Variants in OCIAD2 observed in about 807,000 individuals in gnomAD.
OCIAD2 encodes OCIA domain containing 2.
Under a neutral mutation model 22.9 loss-of-function variants are expected in OCIAD2, and 29 were observed. The ratio of observed to expected loss-of-function variants is 1.27; its 90% CI spans 0.94 to 1.73. The LOEUF (loss-of-function observed/expected upper bound fraction) is 1.73, where lower values mean the gene tolerates loss of function less well. Among genes scored for constraint, OCIAD2 ranks in the 40% most tolerant of loss-of-function variants. The pLI is 0.00. For missense variants in OCIAD2, 189 were observed against 180.3 expected, an observed-to-expected ratio of 1.05 and a Z score of -0.28; for synonymous variants, 67 against 60.2, an observed-to-expected ratio of 1.11 and a Z score of -0.52.
At chr4:48,896,215 G>A (rs1221445518) in intron 4 of OCIAD2, among the ~76,000 whole-genome samples, 1 of 152,118 alleles carries the variant, frequency 6.6e-6, no homozygotes, top group Non-Finnish European at 1.5e-5. Flanking sequence ...TCCTAGATAT[G>A]TGACATGTGG....
chr4:48,892,379 A>G (rs956419392), intron 6 of OCIAD2, among the ~76,000 whole-genome samples: 28 of 152,320 alleles, frequency 1.8e-4, no homozygotes, highest in African/African-American at 6.5e-4. Flanking sequence ...CCAAAGTCGT[A>G]CTGCCTATTT....
intron 4 of OCIAD2, among the ~76,000 whole-genome samples, chr4:48,895,102 T>C (rs1781273932): frequency 6.6e-6 from 1 of 152,164 alleles, no homozygotes; most frequent in South Asian, 2.1e-4. Flanking sequence ...TTAAGAAATA[T>C]GCATGGTTCT....
chr4:48,887,991 G>C (rs1444679238), intron 6 of OCIAD2, among the ~76,000 whole-genome samples: 1 of 152,094 alleles, frequency 6.6e-6, no homozygotes, highest in Admixed American at 6.6e-5. Context: ...TCTTCCATTT[G>C]TTTGTATCCT....
intron 6 of OCIAD2, among the ~76,000 whole-genome samples, 182 bp from the exon 7 acceptor site, chr4:48,885,747 A>G (rs551426519): frequency 6.6e-6 from 1 of 152,322 alleles, no homozygotes; most frequent in Admixed American, 6.5e-5. Context: ...AACCCTCTTG[A>G]GTAGCTGAGA....
rs932193381 is a variant in OCIAD2, at chr4:48,905,402, A to G, written c.-62-791T>C. 3.9e-5 allele frequency among the ~76,000 whole-genome samples: 6 copies of G among 151,986 alleles called. No individual in the cohort carries two copies. The East Asian group carries it at 5.8e-4, about 15-fold the overall frequency. ...AGAATATGAACACTGAGCCCAAGGG[A>G]ATATCGAAAAGAGAAGAAAGATTAA... is the stretch of plus-strand genomic sequence containing the variant. On this transcript the variant is annotated intron_variant, in intron 1 of 6. Transcript: ENST00000508632.
intron 6 of OCIAD2, among the ~76,000 whole-genome samples, chr4:48,891,036 G>A (rs538303380): frequency 1.3e-5 from 2 of 152,224 alleles, no homozygotes; most frequent in East Asian, 3.9e-4. Flanking sequence ...TTATGCTCCA[G>A]CCATAGGATG....
Position 48,904,541 on chromosome 4 carries a change from T to C in OCIAD2, c.9A>G (p.Ser3=), listed in dbSNP as rs1208837226. Residue 3 remains serine, a synonymous_variant, in exon 2 of 7, where the codon TCA becomes TCG. Coordinates refer to ENST00000508632, the MANE Select transcript of OCIAD2 (RefSeq NM_001014446.3). MA[S]ASARGNQDKD... is the part of the protein sequence containing the mutation. ...TATCTTGGTTTCCACGAGCAGACGCTGAAGCCATGATGACTTTGTGCTTGC... is the reference window on the plus strand; with the variant it reads ...TATCTTGGTTTCCACGAGCAGACGCCGAAGCCATGATGACTTTGTGCTTGC... 12 of 1,614,110 alleles carry C rather than the reference T, an allele frequency of 7.4e-6. No individual in the cohort carries two copies. Among genetic ancestry groups the C allele is most frequent in the Non-Finnish European group, 1.0e-5 (12 of 1,179,982 alleles).
chr4:48,889,129 G>A (rs1208611126), intron 6 of OCIAD2, among the ~76,000 whole-genome samples: 1 of 152,196 alleles, frequency 6.6e-6, no homozygotes, highest in African/African-American at 2.4e-5. Flanking sequence ...TTTGCATAGA[G>A]GTGTTTATAG....
At chr4:48,887,005 G>T (rs1781006486) in intron 6 of OCIAD2, among the ~76,000 whole-genome samples, 1 of 152,132 alleles carries the variant, frequency 6.6e-6, no homozygotes. Context: ...AGCCCCTGTT[G>T]TTTCCTGACT....
rs544663915 is a variant in OCIAD2 at position 48,889,652 on chromosome 4, T to A, written c.383+3120A>T. The stretch of plus-strand genomic sequence containing the variant: ...GAGAAATAGGAACACTTTTACACTG[T>A]TGGTGGGACTGTAAAGTAGTTCAAC... On this transcript the variant is annotated intron_variant, in intron 6 of 6. Coordinates refer to ENST00000508632, the MANE Select transcript of OCIAD2 (RefSeq NM_001014446.3). 1.8e-3 allele frequency among the ~76,000 whole-genome samples: 275 copies of A among 152,312 alleles called. 4 individuals carry two copies. The highest frequency in any genetic ancestry group is 3.2e-3 in the Non-Finnish European group (215 of 68,030).
At chr4:48,890,210 C>G (rs1463925355) in intron 6 of OCIAD2, among the ~76,000 whole-genome samples, 4 of 151,306 alleles carry the variant, frequency 2.6e-5, no homozygotes, top group African/African-American at 2.4e-5. Context: ...ACATATGTAA[C>G]AAACCTGCAA....
chr4:48,898,870 C>T (rs1781357660), intron 3 of OCIAD2, among the ~76,000 whole-genome samples: 1 of 152,116 alleles, frequency 6.6e-6, no homozygotes, highest in Non-Finnish European at 1.5e-5. Flanking sequence ...ACATGTAGCT[C>T]TTTCTAGTTC....
chr4:48,899,757 A>T, intron 3 of OCIAD2, 72 bp downstream of exon 3: 1 of 1,018,114 alleles, frequency 9.8e-7, no homozygotes, highest in Non-Finnish European at 1.5e-6. Flanking sequence ...GCTCAAACGT[A>T]AGTCATTACC....
intron 2 of OCIAD2, among the ~76,000 whole-genome samples, chr4:48,903,971 T>G (rs999798002): frequency 6.6e-6 from 1 of 152,136 alleles, no homozygotes; most frequent in Non-Finnish European, 1.5e-5. Flanking sequence ...AATAAAATTT[T>G]AAATTTTAAA....
intron 4 of OCIAD2, among the ~76,000 whole-genome samples, chr4:48,896,763 G>A (rs1781311445): frequency 1.5e-5 from 1 of 64,934 alleles, no homozygotes; most frequent in South Asian, 9.8e-4. Flanking sequence ...GCAAGACCTC[G>A]TCTCATTTAA....
At chr4:48,902,410 A>G (rs895651148) in intron 2 of OCIAD2, among the ~76,000 whole-genome samples, 1 of 152,206 alleles carries the variant, frequency 6.6e-6, no homozygotes, top group Non-Finnish European at 1.5e-5. Flanking sequence ...GTGGAGCTCT[A>G]CAAACAGTCC....
intron 3 of OCIAD2, among the ~76,000 whole-genome samples, chr4:48,899,012 A>T (rs1224403433): frequency 2.0e-5 from 3 of 152,196 alleles, no homozygotes; most frequent in African/African-American, 7.2e-5. Flanking sequence ...TTGTCAGAAA[A>T]CACATGAATT....
chr4:48,904,731 A>T (rs1781491533), intron 1 of OCIAD2, 120 bp from the exon 2 acceptor site: 3 of 625,546 alleles, frequency 4.8e-6, no homozygotes, highest in East Asian at 2.7e-5. Flanking sequence ...TCATTAGTCC[A>T]TCTGCAAACT....
intron 2 of OCIAD2, among the ~76,000 whole-genome samples, chr4:48,903,706 C>CCTGATCTCGGCTCA (rs1489142483): frequency 6.8e-6 from 1 of 147,392 alleles, no homozygotes; most frequent in African/African-American, 2.5e-5. Context: ...AGTGCAGCGG[C>CCTGATCTCGGCTCA]CTGATCTCGG....
Sources: gnomAD v4.1 joint callset for allele counts (sites outside exome capture counted in the v4.1 genomes callset) on GRCh38, gnomAD v4.1.1 for gene constraint, MANE v1.5 for transcripts, NCBI Gene and HGNC (gene_info 2026-07-23, HGNC 2026-07-21) for gene names.